AIMP1: variants seen among roughly 807,000 people sequenced by gnomAD.
The protein encoded by AIMP1 is aminoacyl tRNA synthetase complex interacting multifunctional protein 1.
AIMP1 carries 24 observed loss-of-function variants against 33.1 expected under a neutral mutation model. The observed-to-expected ratio is 0.73, with a 90% confidence interval of 0.53 to 1.02. The LOEUF (loss-of-function observed/expected upper bound fraction) is 1.02, where lower values mean the gene tolerates loss of function less well. Among genes scored for constraint, AIMP1 ranks in the 50% least tolerant of loss-of-function variants. The probability of loss-of-function intolerance (pLI) is 0.00; values close to 1 mark genes in which losing one functional copy is unlikely to be tolerated. For synonymous variants in AIMP1, 120 were observed against 121.5 expected, an observed-to-expected ratio of 0.99 and a Z score of 0.08; for missense variants, 367 against 364.8, an observed-to-expected ratio of 1.01 and a Z score of -0.05.
upstream of AIMP1, chr4:106,316,468 T>C (rs1211185285): frequency 4.3e-6 from 6 of 1,384,608 alleles, no homozygotes; most frequent in Middle Eastern, 1.8e-4. Context: ...GGGTTGAATC[T>C]GTAGAACACT....
intron 2 of AIMP1, among the ~76,000 whole-genome samples, chr4:106,325,445 T>G (rs1481400765): frequency 6.6e-6 from 1 of 151,990 alleles, no homozygotes. Flanking sequence ...ACTTTATCAA[T>G]TTTTTTCTAA....
At chr4:106,318,614 G>A (rs1449139390) in intron 1 of AIMP1, among the ~76,000 whole-genome samples, 1 of 152,060 alleles carries the variant, frequency 6.6e-6, no homozygotes, top group Non-Finnish European at 1.5e-5. Context: ...TTAAGTTGTT[G>A]ACATCTTTAA....
At chr4:106,339,997 T>C (rs1215489638) in intron 6 of AIMP1, among the ~76,000 whole-genome samples, 1 of 152,116 alleles carries the variant, frequency 6.6e-6, no homozygotes, top group Non-Finnish European at 1.5e-5. Flanking sequence ...TTCAAATAGG[T>C]CTTTGAAGCA....
intron 5 of AIMP1, among the ~76,000 whole-genome samples, chr4:106,335,206 T>C (rs1769828407): frequency 1.3e-5 from 2 of 152,274 alleles, no homozygotes; most frequent in South Asian, 4.2e-4. Context: ...TTATGTTATA[T>C]AGGACCAGAA....
At chr4:106,345,085 G>T (rs1003704258) in intron 6 of AIMP1, among the ~76,000 whole-genome samples, 1 of 152,088 alleles carries the variant, frequency 6.6e-6, no homozygotes, top group Non-Finnish European at 1.5e-5. Flanking sequence ...CACTATATAC[G>T]TGTTGTGTGT....
In AIMP1 at chr4:106,328,193, AAGG is replaced by A; in HGVS notation, c.346_348del (p.Gly116del). On this transcript the variant is annotated inframe_deletion, in exon 4 of 7. Coordinates refer to ENST00000672341, the MANE Select transcript of AIMP1 (RefSeq NM_001142416.2). The stretch of plus-strand genomic sequence containing the variant: ...TCTTCTGGTACCAAAGAACAGATAA[AAGG>A]AGGAACAGGAGACGAAAAGAAAGCG... The A allele has an allele frequency of 1.9e-6, 3 of 1,612,796 alleles. No individual in the cohort carries two copies. Among genetic ancestry groups the A allele is most frequent in the Non-Finnish European group, 2.5e-6 (3 of 1,179,094 alleles).
intron 6 of AIMP1, among the ~76,000 whole-genome samples, chr4:106,337,992 A>G (rs1769954852): frequency 6.6e-6 from 1 of 152,196 alleles, no homozygotes; most frequent in African/African-American, 2.4e-5. Context: ...CCCTTTCCCT[A>G]GAGATCTATG....
At chr4:106,343,064 C>A (rs1040361293) in intron 6 of AIMP1, among the ~76,000 whole-genome samples, 1 of 152,064 alleles carries the variant, frequency 6.6e-6, no homozygotes, top group Non-Finnish European at 1.5e-5. Flanking sequence ...GCCACCACAC[C>A]AGGACTTTTT....
rs143898497 is a variant in AIMP1, at chr4:106,328,215, G to C, written c.363G>C (p.Lys121Asn). 1.6e-4 allele frequency: 264 copies of C among 1,611,192 alleles called. No individual in the cohort carries two copies. In the African/African-American group the frequency reaches 3.0e-3, roughly 18 times the overall value. The change falls in exon 4 of 7, where the codon AAG (lysine) becomes AAC (asparagine). Residue 121 changes from lysine to asparagine, a missense_variant. Lys to Asn is a moderately conservative substitution (Grantham distance 94). Transcript: ENST00000672341. ...EQIKGGTGDE[K>N]KAKEKIEKKG... is the part of the protein sequence containing the mutation. ...TAAAAGGAGGAACAGGAGACGAAAA[G>C]AAAGCGAAAGAGAAAATTGAAAAGA...
chr4:106,320,732 A>G (rs560441387), intron 1 of AIMP1, among the ~76,000 whole-genome samples: 1 of 151,874 alleles, frequency 6.6e-6, no homozygotes, highest in Admixed American at 6.5e-5. Flanking sequence ...AATTTTTTAA[A>G]TTAAGAAAAG....
chr4:106,317,080 A>G (rs536336486), intron 1 of AIMP1, among the ~76,000 whole-genome samples: 8 of 152,298 alleles, frequency 5.3e-5, no homozygotes, highest in African/African-American at 1.7e-4. Context: ...TTAGAAACAT[A>G]CTGTATTTTA....
At chr4:106,334,977 T>C (rs1003852937) in intron 5 of AIMP1, among the ~76,000 whole-genome samples, 3 of 152,134 alleles carry the variant, frequency 2.0e-5, no homozygotes, top group Non-Finnish European at 4.4e-5. Context: ...GTCTTATAGA[T>C]CATTGTAAAG....
rs761871944 is a variant in AIMP1, at chr4:106,328,198, G to A, written c.346G>A (p.Gly116Arg). 6.2e-7 allele frequency: 1 copy of A among 1,612,430 alleles called. No homozygotes were observed. The highest frequency in any genetic ancestry group is 1.1e-5 in the South Asian group (1 of 91,028). ...SSGTKEQIKG[G>R]TGDEKKAKEK... ...TGGTACCAAAGAACAGATAAAAGGA[G>A]GAACAGGAGACGAAAAGAAAGCGAA... The change falls in exon 4 of 7, where the codon GGA becomes AGA. Residue 116 changes from glycine to arginine, a missense_variant. Transcript: ENST00000672341.
At chr4:106,322,426 A>C (rs1769299246) in intron 1 of AIMP1, among the ~76,000 whole-genome samples, 1 of 152,222 alleles carries the variant, frequency 6.6e-6, no homozygotes. Context: ...TCTGCATGTT[A>C]CTAGAAAACA....
intron 1 of AIMP1, among the ~76,000 whole-genome samples, chr4:106,318,133 G>A (rs1016287644): frequency 2.0e-5 from 3 of 152,090 alleles, no homozygotes; most frequent in Non-Finnish European, 4.4e-5. Context: ...AGGCTGTCTG[G>A]TAAGGGAAAT....
intron 4 of AIMP1, among the ~76,000 whole-genome samples, chr4:106,329,173 A>AG (rs1769571020): frequency 1.3e-5 from 2 of 152,062 alleles, no homozygotes; most frequent in South Asian, 2.1e-4. Context: ...AAAAGTAGGT[A>AG]GGGGCTGTAC....
intron 6 of AIMP1, among the ~76,000 whole-genome samples, chr4:106,338,402 CT>C (rs1278463253): frequency 1.3e-5 from 2 of 152,190 alleles, no homozygotes; most frequent in African/African-American, 4.8e-5. Flanking sequence ...CTGTGTGCAG[CT>C]TAGGGACTTG....
At chr4:106,321,061 A>G (rs143098221) in intron 1 of AIMP1, among the ~76,000 whole-genome samples, 8,574 of 152,260 alleles carry the variant, frequency 0.056, 309 homozygotes, top group Non-Finnish European at 0.082. Flanking sequence ...AATGTTGCCC[A>G]TGCTGGAGTG....
In AIMP1 at chr4:106,347,397, AAGTTTGATTAGGTCC is replaced by A. The variant is rs1263139317; in HGVS notation, c.773-127_773-113del. On this transcript the variant is annotated intron_variant, in intron 6 of 6. Transcript: ENST00000672341. ...ATAATAAAAATAAAGTAAATGTTAA[AAGTTTGATTAGGTCC>A]AAAAATCAGAAAATGTTGCCAAAAC... 4.4e-5 allele frequency: 34 copies of A among 773,988 alleles called. No individual in the cohort carries two copies. In the Middle Eastern group the frequency reaches 1.2e-3, roughly 26 times the overall value. The allele number at this position is 773,988 out of a possible 1,614,324, so 47.9% of individuals were successfully genotyped here. A position where few individuals can be genotyped will look rare whatever the true frequency, so the allele number is the denominator to read the frequency against.
Sources: allele counts gnomAD v4.1 joint callset (sites outside exome capture counted in the v4.1 genomes callset), GRCh38; gene constraint gnomAD v4.1.1; transcripts MANE v1.5; gene names NCBI Gene and HGNC (gene_info 2026-07-23, HGNC 2026-07-21).